The following NUP214 variants were observed in gnomAD, a reference collection of about 807,000 sequenced individuals.
NUP214 encodes nuclear pore complex protein Nup214.
A neutral mutation model predicts 196.2 loss-of-function variants in NUP214; 79 were observed. That is an observed-to-expected ratio of 0.40 (90% CI 0.34 to 0.49). NUP214 has a LOEUF of 0.49. NUP214 is among the 20% of genes least tolerant of loss of function. The pLI is 0.58. For synonymous variants in NUP214, 1,020 were observed against 990.5 expected, an observed-to-expected ratio of 1.03 and a Z score of -0.56; for missense variants, 2,468 against 2,539.0, an observed-to-expected ratio of 0.97 and a Z score of 0.60.
intron 16 of NUP214, among the ~76,000 whole-genome samples, chr9:131,151,366 A>G (rs1312551517): frequency 6.6e-6 from 1 of 152,236 alleles, no homozygotes. Context: ...AGCAAGTGGT[A>G]GTGCCAGAAT....
At chr9:131,163,980 T>C (rs1250106975) in intron 20 of NUP214, 25 bp downstream of exon 20, 1 of 1,612,686 alleles carries the variant, frequency 6.2e-7, no homozygotes, top group South Asian at 1.1e-5. Context: ...CCCAGTCTTT[T>C]AACTCCCTTT....
chr9:131,125,997 T>G lies in NUP214; in HGVS notation c.45+248T>G. The stretch of plus-strand genomic sequence containing the variant: ...TAGCTACTTCCTGGGGCGGTCACAA[T>G]AGTGGCAATAACTGCTGTTTATTGA... On this transcript the variant is annotated intron_variant, in intron 1 of 35. Transcript: ENST00000359428. This position sits in a 1 kb window ranked among gnomAD's most constrained non-coding sequence, Gnocchi z 4.1. 1 of 542,160 alleles carries G rather than the reference T, an allele frequency of 1.8e-6. No individual in the cohort carries two copies. The allele number at this position is 542,160 out of a possible 1,614,324, so 33.6% of individuals were successfully genotyped here.
At chr9:131,190,385 G>A (rs931231322) in intron 26 of NUP214, 4 of 674,156 alleles carry the variant, frequency 5.9e-6, no homozygotes, top group Middle Eastern at 2.3e-4. Flanking sequence ...GGCAAGTAGT[G>A]TGACTTGCAA....
intron 2 of NUP214, among the ~76,000 whole-genome samples, chr9:131,128,113 A>G (rs992085461): frequency 1.3e-5 from 2 of 152,222 alleles, no homozygotes; most frequent in African/African-American, 4.8e-5. Context: ...GGCAGCAGCC[A>G]CAGTTAGTTT....
At chr9:131,130,636 TG>T in intron 4 of NUP214, 129 bp from the exon 5 acceptor site, 1 of 812,864 alleles carries the variant, frequency 1.2e-6, no homozygotes, top group East Asian at 2.6e-5. Flanking sequence ...CCACTTTGCC[TG>T]ATAGAGATGA....
intron 4 of NUP214, 149 bp from the exon 5 acceptor site, chr9:131,130,617 T>C (rs1831519031): frequency 1.5e-6 from 1 of 671,864 alleles, no homozygotes; most frequent in South Asian, 2.0e-5. Context: ...AAAATGATTT[T>C]ACTTTTTTCC....
intron 31 of NUP214, among the ~76,000 whole-genome samples, chr9:131,221,942 T>G (rs1220411008): frequency 1.3e-5 from 2 of 152,234 alleles, no homozygotes; most frequent in Non-Finnish European, 2.9e-5. Flanking sequence ...GTTTATCTAT[T>G]ATTATCTGTC....
chr9:131,159,731 C>T (rs986552954), intron 18 of NUP214, among the ~76,000 whole-genome samples: 3 of 152,002 alleles, frequency 2.0e-5, no homozygotes, highest in Non-Finnish European at 4.4e-5. Flanking sequence ...GTGGCACATG[C>T]CTATAATCCC....
Position 131,232,184 on chromosome 9 carries a change from C to G in NUP214, c.6215-100C>G. On this transcript the variant is annotated intron_variant, in intron 34 of 35. Transcript: ENST00000359428. This position sits in a 1 kb window ranked among gnomAD's most constrained non-coding sequence, Gnocchi z 5.1. The stretch of plus-strand genomic sequence containing the variant: ...TAGGTGGTGGAGGCACGGAGGGCTT[C>G]CCACAAGAAGCACAGAGGAGGGCAG... 1 of 1,306,036 alleles carries G rather than the reference C, an allele frequency of 7.7e-7. No homozygotes were observed. Among genetic ancestry groups the G allele is most frequent in the Non-Finnish European group, 1.1e-6 (1 of 899,330 alleles). The allele number at this position is 1,306,036 out of a possible 1,614,324, so 80.9% of individuals were successfully genotyped here. A position where few individuals can be genotyped will look rare whatever the true frequency, so the allele number is the denominator to read the frequency against.
At chr9:131,218,062 T>C (rs573307572) in intron 31 of NUP214, among the ~76,000 whole-genome samples, 12 of 152,332 alleles carry the variant, frequency 7.9e-5, no homozygotes, top group Non-Finnish European at 1.0e-4. Context: ...AGTAAACACA[T>C]AACTATTCTT....
chr9:131,195,404 A>G, intron 28 of NUP214, 110 bp downstream of exon 28: 2 of 840,970 alleles, frequency 2.4e-6, no homozygotes, highest in South Asian at 1.4e-5. Flanking sequence ...TACTTACAGT[A>G]TCTGCAATAA....
At chr9:131,226,263 T>G (rs1014834006) in intron 32 of NUP214, among the ~76,000 whole-genome samples, 1 of 152,122 alleles carries the variant, frequency 6.6e-6, no homozygotes, top group African/African-American at 2.4e-5. Flanking sequence ...ATTAGAAAAT[T>G]TGTTTCTTCT....
rs776764154 is a variant in NUP214 at position 131,233,504 on chromosome 9, C to CT, written c.*20dup. The CT allele has an allele frequency of 1.3e-4, 202 of 1,613,690 alleles. 2 individuals are homozygous for CT. The Admixed American group carries it at 3.3e-3, about 27-fold the overall frequency. ...CGAAGCTGAGGGCGTGTCAGCAGGC[C>CT]TTTCGATCCCTGGGACCAACCGCAT... On this transcript the variant is annotated 3_prime_UTR_variant, in exon 36 of 36. Transcript: ENST00000359428.
rs1042373896 is a variant in NUP214 at position 131,234,643 on chromosome 9, A to G, written c.*1156A>G. 4 of 221,538 alleles carry G rather than the reference A, an allele frequency of 1.8e-5. No homozygotes were observed. Among genetic ancestry groups the G allele is most frequent in the African/African-American group, 9.0e-5 (4 of 44,612 alleles). The allele number at this position is 221,538 out of a possible 1,614,324, so 13.7% of individuals were successfully genotyped here. On this transcript the variant is annotated 3_prime_UTR_variant, in exon 36 of 36. Coordinates refer to ENST00000359428, the MANE Select transcript of NUP214 (RefSeq NM_005085.4). ...GGTTGTATTTTTTTAATGTTTTAATAAAAGTTTGACATGACATTAATTCAT... is the reference window on the plus strand; with the variant it reads ...GGTTGTATTTTTTTAATGTTTTAATGAAAGTTTGACATGACATTAATTCAT...
rs1278177747 is a variant in NUP214 at position 131,128,362 on chromosome 9, T to C, written c.272T>C (p.Met91Thr). Residue 91 changes from methionine to threonine, a missense_variant, in exon 3 of 36, where the codon ATG (methionine) becomes ACG (threonine). Met to Thr is a moderately conservative substitution (Grantham distance 81, BLOSUM62 -1). Around this residue, in one of 5 missense-constraint regions of NUP214, gnomAD observed 392 missense variants for 417.9 expected, o/e 0.94. Coordinates refer to ENST00000359428, the MANE Select transcript of NUP214 (RefSeq NM_005085.4). The stretch of plus-strand genomic sequence containing the variant: ...AAAGTCCAAGGCTTGCTAGTTCCTA[T>C]GAAATTCCCAATCCATCACCTGGCC... ...VDKVQGLLVP[M>T]KFPIHHLALS... The C allele has an allele frequency of 6.2e-7, 1 of 1,612,882 alleles. No homozygotes were observed. The highest frequency in any genetic ancestry group is 1.3e-5 in the African/African-American group (1 of 74,880).
At position 131,230,716 on chromosome 9, in the gene NUP214, C is replaced by G. The variant is rs781305596; in HGVS notation, c.6161C>G (p.Ser2054Cys). The part of the protein sequence containing the change: ...PTFGSLSQQT[S>C]GFGTQSSGFS... ...TTCGGATCACTGTCCCAACAGACTT[C>G]TGGTTTTGGGACCCAGAGTAGCGGA... is the stretch of plus-strand genomic sequence containing the variant. Residue 2054 changes from serine to cysteine, a missense_variant, in exon 34 of 36, where the codon TCT (serine) becomes TGT (cysteine). By Grantham distance (112) the Ser-to-Cys change is moderately radical. Around this residue, in one of 5 missense-constraint regions of NUP214, gnomAD observed 262 missense variants for 296.5 expected, o/e 0.88. Coordinates refer to ENST00000359428, the MANE Select transcript of NUP214 (RefSeq NM_005085.4). 1.2e-6 allele frequency: 2 copies of G among 1,614,166 alleles called. No homozygotes were observed. Among genetic ancestry groups the G allele is most frequent in the South Asian group, 1.1e-5 (1 of 91,082 alleles).
In NUP214 at chr9:131,187,346, T is replaced by C. The variant is rs61751471; in HGVS notation, c.3477T>C (p.Ala1159=). Residue 1159 remains alanine (A), a synonymous_variant, in exon 25 of 36, where the codon GCT becomes GCC. Coordinates refer to ENST00000359428, the MANE Select transcript of NUP214 (RefSeq NM_005085.4). ...KTPHPVLTPV[A]ANQAKQGSLI... ...CTCACCCAGTGTTGACCCCAGTGGC[T>C]GCTAACCAAGCCAAGCAGGTAACTT... is the stretch of plus-strand genomic sequence containing the variant. The C allele has an allele frequency of 0.03, 48,775 of 1,611,788 alleles. 997 individuals carry two copies. The highest frequency in any genetic ancestry group is 0.094 in the African/African-American group (7,009 of 74,684).
At chr9:131,143,024 G>T (rs1320544546) in intron 11 of NUP214, among the ~76,000 whole-genome samples, 1 of 151,932 alleles carries the variant, frequency 6.6e-6, no homozygotes, top group African/African-American at 2.4e-5. Flanking sequence ...ATTCATTTTT[G>T]AGACAGGGGT....
rs138200904 is a variant in NUP214, at chr9:131,225,370, G to T, written c.5902+2440G>T. On this transcript the variant is annotated intron_variant, in intron 32 of 35. Transcript: ENST00000359428. The stretch of plus-strand genomic sequence containing the variant: ...GGAGGCAGAGATTGCAGTGAGCCAA[G>T]ATTATGCCACTGCACTTCATCCTGG... Among the ~76,000 whole-genome samples, 683 of 152,322 alleles carry T rather than the reference G, an allele frequency of 4.5e-3. 4 individuals are homozygous for T. Among genetic ancestry groups the T allele is most frequent in the Middle Eastern group, 6.8e-3 (2 of 294 alleles).
Sources: allele counts gnomAD v4.1 joint callset (sites outside exome capture counted in the v4.1 genomes callset), GRCh38; gene constraint gnomAD v4.1.1; regional missense constraint gnomAD v4.1.1; non-coding constraint Gnocchi (gnomAD v3.1); transcripts MANE v1.5; gene names NCBI Gene and HGNC (gene_info 2026-07-23, HGNC 2026-07-21).